MARK2: variants seen among roughly 807,000 people sequenced by gnomAD.
MARK2 encodes the protein serine/threonine-protein kinase MARK2.
In MARK2, 16 loss-of-function variants were observed where a neutral mutation model predicts 89.8. The observed-to-expected ratio is 0.18, with a 90% CI of 0.12 to 0.27. The LOEUF (loss-of-function observed/expected upper bound fraction) is 0.27. Among genes scored for constraint, MARK2 ranks in the 10% least tolerant of loss-of-function variants. The probability of loss-of-function intolerance (pLI) is 1.00; values close to 1 mark genes in which losing one functional copy is unlikely to be tolerated. For missense variants in MARK2, 621 were observed against 1,049.9 expected (o/e 0.59, Z 5.65); for synonymous variants, 382 against 399.5 (o/e 0.96, Z 0.52).
chr11:63,839,626 C>A, intron 1 of MARK2, 66 bp downstream of exon 1: 1 of 1,023,424 alleles, frequency 9.8e-7, no homozygotes, highest in Non-Finnish European at 1.5e-6. Context: ...GAGCCTCCTC[C>A]CTCTTCTGCT....
Position 63,903,265 on chromosome 11 carries a change from C to A in MARK2, c.1514+107C>A. 1 of 853,456 alleles carries A rather than the reference C, an allele frequency of 1.2e-6. No individual in the cohort carries two copies. The highest frequency in any genetic ancestry group is 1.4e-5 in the South Asian group (1 of 70,698). 52.9% of individuals were successfully genotyped at this position (853,456 alleles called of 1,614,324 possible). ...GTCCCTGCCAGCGCATTGCTCCCTG[C>A]TCCCTGGAGTTCCATCCTGGCTGTG... On this transcript the variant is annotated intron_variant, in intron 14 of 18. Transcript: ENST00000402010. This position sits in a 1 kb window ranked among gnomAD's most constrained non-coding sequence, Gnocchi z 5.1.
intron 1 of MARK2, among the ~76,000 whole-genome samples, chr11:63,886,517 C>T (rs569362267): frequency 1.3e-5 from 2 of 152,224 alleles, no homozygotes; most frequent in African/African-American, 4.8e-5. Flanking sequence ...CTCCACCTCC[C>T]AGGCTCAAGC....
chr11:63,907,142 G>C (rs1941405814), intron 17 of MARK2, among the ~76,000 whole-genome samples: 2 of 152,178 alleles, frequency 1.3e-5, no homozygotes, highest in Non-Finnish European at 2.9e-5. Flanking sequence ...AAGGCTGTCT[G>C]CTCAGGCCCT....
At chr11:63,905,966 G>A (rs1479701028) in intron 16 of MARK2, 122 bp from the exon 17 acceptor site, 10 of 766,728 alleles carry the variant, frequency 1.3e-5, no homozygotes, top group South Asian at 5.7e-5. Flanking sequence ...CGGCTCTTCC[G>A]AAAATGGGAT....
At chr11:63,846,963 AT>A (rs2016318325) in intron 1 of MARK2, among the ~76,000 whole-genome samples, 1 of 152,200 alleles carries the variant, frequency 6.6e-6, no homozygotes, top group Non-Finnish European at 1.5e-5. Flanking sequence ...GCCCAAAAAA[AT>A]TTTTAAAAAG....
intron 1 of MARK2, among the ~76,000 whole-genome samples, chr11:63,892,794 A>G (rs1218984381): frequency 7.0e-6 from 1 of 143,554 alleles, no homozygotes; most frequent in Non-Finnish European, 1.5e-5. Flanking sequence ...TGGCATGATC[A>G]TGGCTCACTG....
At chr11:63,859,060 G>T (rs1204835474) in intron 1 of MARK2, among the ~76,000 whole-genome samples, 1 of 151,356 alleles carries the variant, frequency 6.6e-6, no homozygotes, top group Non-Finnish European at 1.5e-5. Context: ...GTTTTATTAT[G>T]AGGTAGGTTT....
At position 63,902,546 on chromosome 11, in the gene MARK2, C is replaced by A; in HGVS notation, c.1235-55C>A. ...CTGTAGGAAATGAGCATGCGTGGGG[C>A]TGGCACTCAGTGGACCCCTTGGCCT... On this transcript the variant is annotated intron_variant, in intron 12 of 18. Coordinates refer to ENST00000402010, the MANE Select transcript of MARK2 (RefSeq NM_001039469.3). This position sits in a 1 kb window ranked among gnomAD's most constrained non-coding sequence, Gnocchi z 4.2. 1 of 1,527,606 alleles carries A rather than the reference C, an allele frequency of 6.5e-7. No individual in the cohort carries two copies. Among genetic ancestry groups the A allele is most frequent in the Admixed American group, 1.8e-5 (1 of 57,060 alleles). The allele number at this position is 1,527,606 out of a possible 1,614,324, so 94.6% of individuals were successfully genotyped here. A position where few individuals can be genotyped will look rare whatever the true frequency, so the allele number is the denominator to read the frequency against.
chr11:63,886,024 G>A (rs1031793728), intron 1 of MARK2, among the ~76,000 whole-genome samples: 1 of 151,882 alleles, frequency 6.6e-6, no homozygotes, highest in Non-Finnish European at 1.5e-5. Flanking sequence ...AGCTACTCGG[G>A]AGGCTGAGGC....
intron 1 of MARK2, among the ~76,000 whole-genome samples, chr11:63,884,948 T>C (rs2135298305): frequency 6.6e-6 from 1 of 152,338 alleles, no homozygotes; most frequent in South Asian, 2.1e-4. Context: ...ACTCCTGTGA[T>C]CCCAGCACTT....
chr11:63,897,787 AC>A (rs1940538715), intron 3 of MARK2, among the ~76,000 whole-genome samples: 1 of 152,202 alleles, frequency 6.6e-6, no homozygotes, highest in Admixed American at 6.5e-5. Context: ...CCCTCTGACT[AC>A]TGTAAATCAG....
At position 63,906,126 on chromosome 11, in the gene MARK2, G is replaced by T; in HGVS notation, c.1961+12G>T. 2 of 1,274,992 alleles carry T rather than the reference G, an allele frequency of 1.6e-6. No individual in the cohort carries two copies. The highest frequency in any genetic ancestry group is 2.0e-6 in the Non-Finnish European group (2 of 1,011,138). 79.0% of individuals were successfully genotyped at this position (1,274,992 alleles called of 1,614,324 possible). The stretch of plus-strand genomic sequence containing the variant: ...AGGTTTGCCAGAAGGTAGGCGTTGA[G>T]CCCGCTGTGTGTGTGTGTGTGTGTG... On this transcript the variant is annotated intron_variant, in intron 17 of 18. Coordinates refer to ENST00000402010, the MANE Select transcript of MARK2 (RefSeq NM_001039469.3).
chr11:63,905,105 T>C (rs1245001037), intron 16 of MARK2, 62 bp downstream of exon 16: 2 of 425,234 alleles, frequency 4.7e-6, no homozygotes, highest in South Asian at 3.5e-5. Context: ...TTACTCGGGG[T>C]GGGTTGGGGG....
At position 63,910,423 on chromosome 11, in the gene MARK2, G is replaced by A. The variant is rs951985580; in HGVS notation, c.*1186G>A. The A allele has an allele frequency of 7.9e-5, 12 of 152,260 alleles. No individual in the cohort carries two copies. The highest frequency in any genetic ancestry group is 1.3e-4 in the Non-Finnish European group (9 of 68,082). 9.4% of individuals were successfully genotyped at this position (152,260 alleles called of 1,614,324 possible). On this transcript the variant is annotated 3_prime_UTR_variant, in exon 19 of 19. Coordinates refer to ENST00000402010, the MANE Select transcript of MARK2 (RefSeq NM_001039469.3). ...GGGAGCGTCTGCCCTCCACAGGGTG[G>A]GGGACAGATAGGCTAAGCGACTCCC...
chr11:63,862,080 T>G (rs537072183), intron 1 of MARK2, among the ~76,000 whole-genome samples: 68 of 152,102 alleles, frequency 4.5e-4, no homozygotes, highest in African/African-American at 1.5e-3. Context: ...TCCGCCACCA[T>G]GCCCGGCTAA....
rs772970785 is a variant in MARK2 at position 63,900,706 on chromosome 11, G to C, written c.888+28G>C. 1 of 1,613,490 alleles carries C rather than the reference G, an allele frequency of 6.2e-7. No homozygotes were observed. The highest frequency in any genetic ancestry group is 8.5e-7 in the Non-Finnish European group (1 of 1,179,450). The stretch of plus-strand genomic sequence containing the variant: ...GAGCAGTGGAGCCCAACTGGCGGAA[G>C]GGCCTGGGGTCCCCACAGAAACTTT... On this transcript the variant is annotated intron_variant, in intron 9 of 18. Transcript: ENST00000402010. This position sits in a 1 kb window ranked among gnomAD's most constrained non-coding sequence, Gnocchi z 4.7.
At chr11:63,855,718 G>A (rs1236615338) in intron 1 of MARK2, among the ~76,000 whole-genome samples, 1 of 152,168 alleles carries the variant, frequency 6.6e-6, no homozygotes, top group Non-Finnish European at 1.5e-5. Flanking sequence ...ACATGTCTCT[G>A]TGAAGTGAGA....
At chr11:63,907,603 C>T (rs1463878497) in intron 17 of MARK2, among the ~76,000 whole-genome samples, 1 of 151,986 alleles carries the variant, frequency 6.6e-6, no homozygotes, top group Non-Finnish European at 1.5e-5. Flanking sequence ...CACCCTCATC[C>T]TCCCTGCGTA....
Position 63,900,614 on chromosome 11 carries a change from C to T in MARK2, c.824C>T (p.Thr275Met). 1.9e-6 allele frequency: 3 copies of T among 1,614,006 alleles called. No individual in the cohort carries two copies. Among genetic ancestry groups the T allele is most frequent in the Non-Finnish European group, 2.5e-6 (3 of 1,179,898 alleles). ...GKYRIPFYMS[T>M]DCENLLKKFL... is the part of the protein sequence containing the mutation. ...TACCGTATTCCATTCTACATGTCCA[C>T]GGACTGTGAAAACCTGCTTAAGAAA... Residue 275 changes from threonine to methionine, a missense_variant, in exon 9 of 19, where the codon ACG (threonine) becomes ATG (methionine). Thr to Met is a moderately conservative substitution (Grantham distance 81). Around this residue, in one of 5 missense-constraint regions of MARK2, gnomAD observed 82 missense variants for 287.7 expected, o/e 0.29. Transcript: ENST00000402010. The surrounding 1 kb of genome is among the most constrained non-coding windows in gnomAD (Gnocchi z 4.7).
Sources: allele counts gnomAD v4.1 joint callset (sites outside exome capture counted in the v4.1 genomes callset), GRCh38; gene constraint gnomAD v4.1.1; regional missense constraint gnomAD v4.1.1; non-coding constraint Gnocchi (gnomAD v3.1); transcripts MANE v1.5; gene names NCBI Gene and HGNC (gene_info 2026-07-23, HGNC 2026-07-21).